Variants in FMN1 observed in about 807,000 individuals in gnomAD.
The protein encoded by FMN1 is formin-1.
In FMN1, 110 loss-of-function variants were observed where a neutral mutation model predicts 132.4. The observed-to-expected ratio is 0.83, with a 90% CI of 0.71 to 0.97. The LOEUF (loss-of-function observed/expected upper bound fraction) is 0.97. Among genes scored for constraint, FMN1 ranks in the 50% least tolerant of loss-of-function variants. The probability of loss-of-function intolerance (pLI) is 0.00; values close to 1 mark genes in which losing one functional copy is unlikely to be tolerated. For synonymous variants in FMN1, 722 were observed against 651.7 expected (o/e 1.11, Z -1.64); for missense variants, 1,792 against 1,705.3 (o/e 1.05, Z -0.90).
chr15:32,810,077 T>C (rs913138556), intron 17 of FMN1, among the ~76,000 whole-genome samples: 1 of 152,032 alleles, frequency 6.6e-6, no homozygotes, highest in Non-Finnish European at 1.5e-5. Flanking sequence ...GCACCATGGC[T>C]GGCTAATTTT....
At chr15:33,057,892 A>T (rs148991376) in intron 6 of FMN1, among the ~76,000 whole-genome samples, 26 of 152,338 alleles carry the variant, frequency 1.7e-4, no homozygotes, top group African/African-American at 6.0e-4. Flanking sequence ...AGGGGATCTG[A>T]AAGAGTGTGC....
chr15:33,115,657 G>GT (rs374981104), intron 4 of FMN1, among the ~76,000 whole-genome samples: 407 of 152,112 alleles, frequency 2.7e-3, no homozygotes, highest in African/African-American at 9.4e-3. Flanking sequence ...CCTGCATCAG[G>GT]TAATTGTCTG....
In FMN1 at chr15:32,883,509, C is replaced by CAAAAAAAAAAAA. The variant is rs60737133; in HGVS notation, c.3835+4651_3835+4662dup. Among the ~76,000 whole-genome samples, 21 of 25,922 alleles carry CAAAAAAAAAAAA rather than the reference C, an allele frequency of 8.1e-4. 3 individuals carry two copies. Among genetic ancestry groups the CAAAAAAAAAAAA allele is most frequent in the East Asian group, 2.6e-3 (3 of 1,136 alleles). The allele number at this position is 25,922 out of a possible 152,430, so 17.0% of individuals were successfully genotyped here. Reference sequence around the variant, plus strand: ...TGGGCAATAGAGCAAGAACCTATCTCAAAAAAAAAAAAAAAAAAAAAAAAA... The same window carrying CAAAAAAAAAAAA: ...TGGGCAATAGAGCAAGAACCTATCTCAAAAAAAAAAAAAAAAAAAAAAAAAAAAAAAAAAAAA... On this transcript the variant is annotated intron_variant, in intron 16 of 20. Transcript: ENST00000616417.
intron 11 of FMN1, among the ~76,000 whole-genome samples, chr15:32,909,931 C>T (rs1466786452): frequency 6.6e-6 from 1 of 151,994 alleles, no homozygotes; most frequent in Non-Finnish European, 1.5e-5. Context: ...CTGATGATCA[C>T]AACGGGATTA....
chr15:32,781,999 C>T (rs1347164316), intron 19 of FMN1, among the ~76,000 whole-genome samples: 1 of 152,208 alleles, frequency 6.6e-6, no homozygotes, highest in African/African-American at 2.4e-5. Flanking sequence ...TCCATGCATG[C>T]AAATTCTTCC....
chr15:33,073,368 CA>C (rs1266579744), intron 5 of FMN1, among the ~76,000 whole-genome samples: 1 of 151,936 alleles, frequency 6.6e-6, no homozygotes, highest in African/African-American at 2.4e-5. Flanking sequence ...CCGTTTGAAA[CA>C]AAAAGTAGAA....
intron 7 of FMN1, among the ~76,000 whole-genome samples, chr15:32,992,748 T>C (rs987502098): frequency 3.3e-5 from 5 of 152,088 alleles, no homozygotes; most frequent in Non-Finnish European, 7.4e-5. Flanking sequence ...CTATAAAGGG[T>C]CTATGAGGGA....
intron 16 of FMN1, among the ~76,000 whole-genome samples, chr15:32,868,570 A>T (rs968177665): frequency 6.6e-6 from 1 of 152,186 alleles, no homozygotes; most frequent in Non-Finnish European, 1.5e-5. Context: ...ACATGACTGT[A>T]TGTATGTATA....
At chr15:33,100,311 C>T (rs2039247847) in intron 4 of FMN1, among the ~76,000 whole-genome samples, 1 of 151,146 alleles carries the variant, frequency 6.6e-6, no homozygotes. Context: ...AAATGAATGT[C>T]CTCATATCAA....
chr15:33,042,752 A>G (rs1194518267), intron 6 of FMN1, among the ~76,000 whole-genome samples: 2 of 146,470 alleles, frequency 1.4e-5, no homozygotes, highest in East Asian at 3.9e-4. Context: ...GAACTATATC[A>G]TTAAATACAG....
chr15:32,952,920 G>A (rs1596334672), intron 9 of FMN1, among the ~76,000 whole-genome samples: 1 of 152,156 alleles, frequency 6.6e-6, no homozygotes, highest in East Asian at 1.9e-4. Context: ...GTGGGTCAAC[G>A]TAGAGTCTCA....
intron 4 of FMN1, among the ~76,000 whole-genome samples, chr15:33,118,287 T>G (rs2040005320): frequency 6.6e-6 from 1 of 152,206 alleles, no homozygotes; most frequent in Admixed American, 6.5e-5. Flanking sequence ...TTAATAACTT[T>G]CCTTATAGTT....
chr15:32,785,219 T>TATATATATATA (rs1491354596), intron 19 of FMN1, among the ~76,000 whole-genome samples: 5 of 12,288 alleles, frequency 4.1e-4, no homozygotes, highest in South Asian at 3.4e-3. Context: ...TATATATATA[T>TATATATATATA]TTTTTTTTTT....
chr15:32,921,640 A>G (rs1027348559), intron 10 of FMN1, among the ~76,000 whole-genome samples: 3 of 148,578 alleles, frequency 2.0e-5, no homozygotes, highest in African/African-American at 7.4e-5. Context: ...ACCCACATTC[A>G]TATATACAAT....
intron 7 of FMN1, among the ~76,000 whole-genome samples, chr15:32,974,747 G>A (rs1258947533): frequency 6.6e-6 from 1 of 152,172 alleles, no homozygotes; most frequent in African/African-American, 2.4e-5. Flanking sequence ...TAACACAGCT[G>A]AGATAGTAAA....
chr15:32,969,002 C>T lies in FMN1; in HGVS notation c.2699G>A (p.Gly900Glu). ...AGGAGGCGGAGGTGGTAGCGGTGGC[C>T]CAGCACTCACAGGTGGCATTGGAGG... ...PAPPMPPVSA[G>E]PPLPPPPPPP... Residue 900 changes from glycine to glutamate, a missense_variant, in exon 8 of 21, where the codon GGG (glycine) becomes GAG (glutamate). By Grantham distance (98) the Gly-to-Glu change is moderately conservative (BLOSUM62 -2). Transcript: ENST00000616417. 1 of 1,203,970 alleles carries T rather than the reference C, an allele frequency of 8.3e-7. No homozygotes were observed. Among genetic ancestry groups the T allele is most frequent in the Non-Finnish European group, 1.2e-6 (1 of 850,828 alleles). The allele number at this position is 1,203,970 out of a possible 1,614,324, so 74.6% of individuals were successfully genotyped here.
intron 17 of FMN1, among the ~76,000 whole-genome samples, chr15:32,839,442 G>A (rs181295259): frequency 4.6e-5 from 7 of 152,086 alleles, no homozygotes; most frequent in South Asian, 4.2e-4. Flanking sequence ...TGCTTGTCTC[G>A]TAGACTGGAC....
chr15:32,822,373 A>G (rs1376650401), intron 17 of FMN1, among the ~76,000 whole-genome samples: 1 of 151,506 alleles, frequency 6.6e-6, no homozygotes, highest in Non-Finnish European at 1.5e-5. Context: ...AACAAAAAAG[A>G]TGATCTACGA....
At chr15:33,188,230 C>T (rs1187460636) in intron 2 of FMN1, among the ~76,000 whole-genome samples, 2 of 151,984 alleles carry the variant, frequency 1.3e-5, no homozygotes, top group Non-Finnish European at 2.9e-5. Context: ...ATCCCAGCTA[C>T]TCAGGAAGCT....
Sources: allele counts gnomAD v4.1 joint callset (sites outside exome capture counted in the v4.1 genomes callset), GRCh38; gene constraint gnomAD v4.1.1; transcripts MANE v1.5; gene names NCBI Gene and HGNC (gene_info 2026-07-23, HGNC 2026-07-21).